GALNTL6: variants seen among roughly 807,000 people sequenced by gnomAD.
GALNTL6 encodes polypeptide N-acetylgalactosaminyltransferase like 6.
A neutral mutation model predicts 73.7 loss-of-function variants in GALNTL6; 46 were observed. That is an observed-to-expected ratio of 0.62 (90% CI 0.49 to 0.80). The LOEUF is 0.80. GALNTL6 is among the 30% of genes least tolerant of loss of function. GALNTL6 has a pLI of 0.00. For synonymous variants in GALNTL6, 259 were observed against 263.7 expected, an observed-to-expected ratio of 0.98 and a Z score of 0.17; for missense variants, 604 against 755.0, an observed-to-expected ratio of 0.80 and a Z score of 2.34.
Position 173,040,631 on chromosome 4 carries a change from TTC to T in GALNTL6, c.*533_*534del, listed in dbSNP as rs1271926939. On this transcript the variant is annotated 3_prime_UTR_variant, in exon 13 of 13. Transcript: ENST00000506823. ...AGATGATTTCAGAGTGCTCACACTA[TTC>T]TGTTTTTTTTATTTTTATTTTTAAA... The T allele has an allele frequency of 4.6e-5, 7 of 152,630 alleles. No homozygotes were observed. Among genetic ancestry groups the T allele is most frequent in the African/African-American group, 1.7e-4 (7 of 41,356 alleles). The allele number at this position is 152,630 out of a possible 1,614,324, so 9.5% of individuals were successfully genotyped here. A position where few individuals can be genotyped will look rare whatever the true frequency, so the allele number is the denominator to read the frequency against.
At chr4:171,936,995 C>T (rs1364841429) in intron 2 of GALNTL6, among the ~76,000 whole-genome samples, 7 of 152,186 alleles carry the variant, frequency 4.6e-5, no homozygotes, top group South Asian at 2.1e-4. Context: ...TGCAAGATCA[C>T]GCTTCACAAT....
chr4:172,310,315 T>C (rs2111142123), intron 3 of GALNTL6, among the ~76,000 whole-genome samples: 1 of 152,160 alleles, frequency 6.6e-6, no homozygotes, highest in East Asian at 1.9e-4. Flanking sequence ...CTGTCACCCA[T>C]GCTGGAATGC....
intron 5 of GALNTL6, among the ~76,000 whole-genome samples, chr4:172,656,086 C>T (rs1730986698): frequency 6.6e-6 from 1 of 152,144 alleles, no homozygotes; most frequent in African/African-American, 2.4e-5. Flanking sequence ...TACACAGAGG[C>T]CAATACCATG....
chr4:172,630,620 T>G (rs1482089987), intron 5 of GALNTL6, among the ~76,000 whole-genome samples: 1 of 152,002 alleles, frequency 6.6e-6, no homozygotes. Context: ...TCATCTTTTC[T>G]TTTTTACAGT....
At chr4:172,951,524 AG>A (rs1176057391) in intron 9 of GALNTL6, among the ~76,000 whole-genome samples, 1 of 152,270 alleles carries the variant, frequency 6.6e-6, no homozygotes, top group East Asian at 1.9e-4. Context: ...TTGCACACAT[AG>A]AACATCAGAA....
chr4:172,150,425 C>T (rs181007155), intron 2 of GALNTL6, among the ~76,000 whole-genome samples: 21 of 152,174 alleles, frequency 1.4e-4, no homozygotes, highest in Admixed American at 1.2e-3. Context: ...CTAATAAATG[C>T]TAAGAGAGAA....
Position 172,070,865 on chromosome 4 carries a change from T to C in GALNTL6, c.139-158791T>C, listed in dbSNP as rs1731517724. Among the ~76,000 whole-genome samples the C allele has an allele frequency of 1.8e-5, 2 of 109,392 alleles. 1 individual carries two copies. The highest frequency in any genetic ancestry group is 1.9e-4 in the Admixed American group (2 of 10,424). The allele number at this position is 109,392 out of a possible 152,430, so 71.8% of individuals were successfully genotyped here. ...ATCATTGACTGGAAAACAAGTTTGA[T>C]ATATGCTTTGCTATGGTGACTATAG... On this transcript the variant is annotated intron_variant, in intron 2 of 12. Transcript: ENST00000506823.
chr4:171,886,066 C>T (rs1188180634), intron 2 of GALNTL6, among the ~76,000 whole-genome samples: 2 of 151,868 alleles, frequency 1.3e-5, no homozygotes, highest in Non-Finnish European at 1.5e-5. Flanking sequence ...TTTTTAACCA[C>T]ATAAAGTTGC....
intron 8 of GALNTL6, among the ~76,000 whole-genome samples, chr4:172,914,990 T>C (rs1235559011): frequency 1.3e-5 from 2 of 152,192 alleles, no homozygotes; most frequent in African/African-American, 4.8e-5. Flanking sequence ...ATTGACCACA[T>C]AGTTAGAAGT....
Position 172,424,023 on chromosome 4 carries a change from C to CA in GALNTL6, c.553+75341dup, listed in dbSNP as rs972053468. 2.5e-4 allele frequency among the ~76,000 whole-genome samples: 38 copies of CA among 151,944 alleles called. 2 individuals carry two copies. Among genetic ancestry groups the CA allele is most frequent in the South Asian group, 4.2e-4 (2 of 4,816 alleles). The stretch of plus-strand genomic sequence containing the variant: ...AAAAACTATACATATTTAATGTATA[C>CA]AAAAAAAGATTTTGTAGGTGATGGA... On this transcript the variant is annotated intron_variant, in intron 5 of 12. Transcript: ENST00000506823.
At chr4:171,969,928 C>T (rs1414065982) in intron 2 of GALNTL6, among the ~76,000 whole-genome samples, 1 of 152,060 alleles carries the variant, frequency 6.6e-6, no homozygotes, top group Non-Finnish European at 1.5e-5. Flanking sequence ...TGCCACCACA[C>T]CTGGCAATTT....
At chr4:172,602,381 G>C (rs184954422) in intron 5 of GALNTL6, among the ~76,000 whole-genome samples, 6 of 152,022 alleles carry the variant, frequency 3.9e-5, no homozygotes, top group Admixed American at 2.0e-4. Flanking sequence ...ACATATTATG[G>C]GGTTTATTGC....
At chr4:172,091,409 T>G (rs137924121) in intron 2 of GALNTL6, among the ~76,000 whole-genome samples, 2 of 152,292 alleles carry the variant, frequency 1.3e-5, no homozygotes, top group South Asian at 2.1e-4. Flanking sequence ...CCTCTCTTCT[T>G]GAGATCCCCC....
intron 5 of GALNTL6, among the ~76,000 whole-genome samples, chr4:172,727,991 C>G (rs1024769768): frequency 6.6e-6 from 1 of 151,994 alleles, no homozygotes; most frequent in African/African-American, 2.4e-5. Context: ...CAGCTCACTG[C>G]AACCTCCGCC....
chr4:172,362,423 C>G (rs1377913256), intron 5 of GALNTL6, among the ~76,000 whole-genome samples: 4 of 152,118 alleles, frequency 2.6e-5, no homozygotes, highest in Non-Finnish European at 4.4e-5. Context: ...ATTGGACCCT[C>G]TCTGCTTCAT....
intron 7 of GALNTL6, among the ~76,000 whole-genome samples, chr4:172,859,447 C>T (rs183358673): frequency 5.4e-4 from 82 of 152,204 alleles, no homozygotes; most frequent in Non-Finnish European, 3.2e-4. Flanking sequence ...ATCTTTTCCA[C>T]ATCTTTGTTA....
chr4:172,364,337 G>C (rs1742481353), intron 5 of GALNTL6, among the ~76,000 whole-genome samples: 1 of 152,110 alleles, frequency 6.6e-6, no homozygotes, highest in Non-Finnish European at 1.5e-5. Flanking sequence ...AGGATGGCTT[G>C]AGCTTAGAAT....
chr4:172,765,886 A>G (rs977881155), intron 5 of GALNTL6, among the ~76,000 whole-genome samples: 7 of 152,102 alleles, frequency 4.6e-5, no homozygotes, highest in African/African-American at 1.7e-4. Flanking sequence ...AAAAAAGCAT[A>G]TAAAATAACC....
intron 2 of GALNTL6, among the ~76,000 whole-genome samples, chr4:171,850,415 CTG>C (rs2110859555): frequency 6.6e-6 from 1 of 152,254 alleles, no homozygotes; most frequent in South Asian, 2.1e-4. Flanking sequence ...TCAATCAAAG[CTG>C]TTGTTATGGC....
Sources: gnomAD v4.1 joint callset for allele counts (sites outside exome capture counted in the v4.1 genomes callset) on GRCh38, gnomAD v4.1.1 for gene constraint, MANE v1.5 for transcripts, NCBI Gene and HGNC (gene_info 2026-07-23, HGNC 2026-07-21) for gene names.